Variants in PRELID2 observed in about 807,000 individuals in gnomAD.
The protein encoded by PRELID2 is PRELI domain-containing protein 2.
PRELID2 carries 25 observed loss-of-function variants against 28.4 expected under a neutral mutation model. The ratio of observed to expected loss-of-function variants is 0.88; its 90% CI spans 0.64 to 1.23. The LOEUF (loss-of-function observed/expected upper bound fraction) is 1.23. Ranked by LOEUF, PRELID2 falls within the 50% of genes most tolerant of loss-of-function variation. The probability of loss-of-function intolerance (pLI) is 0.00; values close to 1 mark genes in which losing one functional copy is unlikely to be tolerated. For missense variants in PRELID2, 201 were observed against 214.4 expected, an observed-to-expected ratio of 0.94 and a Z score of 0.39; for synonymous variants, 76 against 71.6, an observed-to-expected ratio of 1.06 and a Z score of -0.31.
chr5:145,717,739 T>C (rs1015242418), intron 1 of PRELID2, among the ~76,000 whole-genome samples: 5 of 151,366 alleles, frequency 3.3e-5, no homozygotes, highest in Non-Finnish European at 7.4e-5. Context: ...TAATAAAATA[T>C]TATAAATTAA....
At chr5:145,375,547 G>T in the PRELID2 span, among the ~76,000 whole-genome samples, 2 of 152,118 alleles carry the variant, frequency 1.3e-5, no homozygotes, top group African/African-American at 4.8e-5. Flanking sequence ...CATCTGGGCT[G>T]CCCAGATTCC....
intron 1 of PRELID2, among the ~76,000 whole-genome samples, chr5:145,652,379 A>C (rs1754313809): frequency 6.6e-6 from 1 of 152,198 alleles, no homozygotes; most frequent in Non-Finnish European, 1.5e-5. Flanking sequence ...GCCAACATTC[A>C]AATTCAGGAA....
At chr5:145,368,602 C>T in the PRELID2 span, among the ~76,000 whole-genome samples, 8 of 152,028 alleles carry the variant, frequency 5.3e-5, no homozygotes, top group South Asian at 2.1e-4. Context: ...TTTACACATA[C>T]GGATCCCTCT....
chr5:145,491,711 AC>A, intron 1 of PRELID2, among the ~76,000 whole-genome samples: 1 of 151,384 alleles, frequency 6.6e-6, no homozygotes, highest in South Asian at 2.1e-4. Context: ...CCCCCCCAGT[AC>A]CCCCTGACCC....
At position 145,555,063 on chromosome 5, in the gene PRELID2, T is replaced by C. The variant is rs2126685461; in HGVS notation, n.71-81748A>G. Among the ~76,000 whole-genome samples the C allele has an allele frequency of 2.6e-5, 4 of 152,308 alleles. No individual in the cohort carries two copies. In the South Asian group the frequency reaches 8.3e-4, roughly 32 times the overall value. ...TCTTTGGATATAAGAAAGAGATAAATATTTGCCCCAATATATAAATAGATA... is the reference window on the plus strand; with the variant it reads ...TCTTTGGATATAAGAAAGAGATAAACATTTGCCCCAATATATAAATAGATA... On this transcript the variant is annotated intron_variant and non_coding_transcript_variant, in intron 1 of 2. Transcript: ENST00000510259.
chr5:145,822,507 C>T (rs1754899127), intron 2 of PRELID2, among the ~76,000 whole-genome samples: 1 of 152,148 alleles, frequency 6.6e-6, no homozygotes, highest in African/African-American at 2.4e-5. Flanking sequence ...AGCTTGTCAA[C>T]TCCTGATTTA....
intron 1 of PRELID2, among the ~76,000 whole-genome samples, chr5:145,501,097 T>C (rs1169805474): frequency 6.6e-6 from 1 of 152,100 alleles, no homozygotes; most frequent in Non-Finnish European, 1.5e-5. Flanking sequence ...TTTCTCACAA[T>C]ATAGAAAGCC....
intron 1 of PRELID2, among the ~76,000 whole-genome samples, chr5:145,518,981 G>T (rs933631726): frequency 2.0e-5 from 3 of 152,010 alleles, no homozygotes; most frequent in African/African-American, 7.2e-5. Context: ...TTCCATTTTT[G>T]TATCCCATAA....
chr5:145,670,658 C>T (rs576610305), intron 1 of PRELID2, among the ~76,000 whole-genome samples: 1 of 152,112 alleles, frequency 6.6e-6, no homozygotes, highest in African/African-American at 2.4e-5. Context: ...ATTCATTCTC[C>T]CTCTCCACTT....
At chr5:145,424,103 C>T in the PRELID2 span, among the ~76,000 whole-genome samples, 1 of 150,854 alleles carries the variant, frequency 6.6e-6, no homozygotes, top group Non-Finnish European at 1.5e-5. Context: ...TCTCAGATCT[C>T]CAGCTGCGTG....
At chr5:145,462,399 A>C in the PRELID2 span, among the ~76,000 whole-genome samples, 2 of 152,236 alleles carry the variant, frequency 1.3e-5, no homozygotes, top group Non-Finnish European at 2.9e-5. Flanking sequence ...GTAAGAGTAC[A>C]TATTGTGACT....
chr5:145,423,435 CT>C, the PRELID2 span, among the ~76,000 whole-genome samples: 1 of 152,240 alleles, frequency 6.6e-6, no homozygotes, highest in South Asian at 2.1e-4. Flanking sequence ...TTGCTCATTT[CT>C]TTTTATTCTT....
At chr5:145,732,172 G>C (rs1162220920) in intron 1 of PRELID2, among the ~76,000 whole-genome samples, 1 of 152,184 alleles carries the variant, frequency 6.6e-6, no homozygotes, top group Non-Finnish European at 1.5e-5. Context: ...CCACCAGAGA[G>C]CAACTGATTA....
chr5:145,238,963 C>CTCTA, the PRELID2 span, among the ~76,000 whole-genome samples: 3,255 of 151,930 alleles, frequency 0.021, 56 homozygotes, highest in Middle Eastern at 0.061. Flanking sequence ...ATCTATCTGT[C>CTCTA]TCTATCTATC....
chr5:145,715,962 T>A (rs1236169488), intron 1 of PRELID2, among the ~76,000 whole-genome samples: 1 of 152,214 alleles, frequency 6.6e-6, no homozygotes, highest in Non-Finnish European at 1.5e-5. Flanking sequence ...GTCCAACCCA[T>A]GGCCCTCTGG....
At chr5:145,740,003 T>G (rs1425132677) in intron 1 of PRELID2, among the ~76,000 whole-genome samples, 1 of 151,044 alleles carries the variant, frequency 6.6e-6, no homozygotes, top group Non-Finnish European at 1.5e-5. Flanking sequence ...TTACATTAAA[T>G]GTAAATGGCC....
chr5:145,653,753 G>A (rs1372705587), intron 1 of PRELID2, among the ~76,000 whole-genome samples: 6 of 152,110 alleles, frequency 3.9e-5, no homozygotes, highest in Non-Finnish European at 8.8e-5. Flanking sequence ...AAAGCAGTGT[G>A]TAGAGGGAAA....
chr5:145,262,536 G>T, the PRELID2 span, among the ~76,000 whole-genome samples: 1 of 152,204 alleles, frequency 6.6e-6, no homozygotes, highest in East Asian at 1.9e-4. Context: ...CCTATCTTTT[G>T]CCTCCTTAAA....
intron 1 of PRELID2, among the ~76,000 whole-genome samples, chr5:145,547,393 T>G (rs771702295): frequency 7.8e-4 from 119 of 152,304 alleles, no homozygotes; most frequent in Middle Eastern, 6.8e-3. Flanking sequence ...GGACCCGGCC[T>G]TTCCTCAGAC....
Sources: allele counts gnomAD v4.1 joint callset (sites outside exome capture counted in the v4.1 genomes callset), GRCh38; gene constraint gnomAD v4.1.1; transcripts MANE v1.5; gene names NCBI Gene and HGNC (gene_info 2026-07-23, HGNC 2026-07-21).